Variants in PCDHGA8 observed in about 807,000 individuals in gnomAD.
The protein encoded by PCDHGA8 is protocadherin gamma subfamily A, 8.
Under a neutral mutation model 59.2 loss-of-function variants are expected in PCDHGA8, and 45 were observed. The observed-to-expected ratio is 0.76, with a 90% CI of 0.60 to 0.98. The LOEUF (loss-of-function observed/expected upper bound fraction) is 0.98. Ranked by LOEUF, PCDHGA8 falls within the 50% of genes least tolerant of loss-of-function variation. The probability of loss-of-function intolerance (pLI) is 0.00; values close to 1 mark genes in which losing one functional copy is unlikely to be tolerated. For synonymous variants in PCDHGA8, 531 were observed against 519.0 expected, an observed-to-expected ratio of 1.02 and a Z score of -0.32; for missense variants, 1,257 against 1,196.2, an observed-to-expected ratio of 1.05 and a Z score of -0.75.
intron 1 of PCDHGA8, among the ~76,000 whole-genome samples, chr5:141,443,696 T>C (rs1293017505): frequency 6.6e-6 from 1 of 152,308 alleles, no homozygotes; most frequent in Admixed American, 6.5e-5. Context: ...TCAAAAATTA[T>C]AGAATAACAT....
intron 1 of PCDHGA8, chr5:141,410,789 A>C: frequency 1.3e-6 from 1 of 794,444 alleles, no homozygotes; most frequent in Non-Finnish European, 1.8e-6. Context: ...TATTTGGTTC[A>C]TAAGTTGCTC....
intron 1 of PCDHGA8, chr5:141,433,331 C>G: frequency 1.4e-6 from 1 of 699,624 alleles, no homozygotes; most frequent in South Asian, 1.9e-5. Context: ...GTAACAGGGA[C>G]TACAGGTGCA....
intron 3 of PCDHGA8, among the ~76,000 whole-genome samples, chr5:141,506,833 C>A (rs1462038297): frequency 1.3e-5 from 2 of 152,092 alleles, no homozygotes; most frequent in African/African-American, 4.8e-5. Context: ...AACTGATAGC[C>A]CTGCCCTCCA....
chr5:141,415,270 G>A (rs1044469814), intron 1 of PCDHGA8: 1 of 1,614,118 alleles, frequency 6.2e-7, no homozygotes, highest in Non-Finnish European at 8.5e-7. Flanking sequence ...GTACCTGGTG[G>A]TAGCGGTGGC....
Position 141,485,331 on chromosome 5 carries a change from T to C in PCDHGA8, c.2425-9476T>C, listed in dbSNP as rs1203054851. On this transcript the variant is annotated intron_variant, in intron 1 of 3. Transcript: ENST00000398604. This position sits in a 1 kb window ranked among gnomAD's most constrained non-coding sequence, Gnocchi z 5.7. Reference sequence around the variant, plus strand: ...GTAGGGAATGTCGCTCAAGATTTCCTGCTGGATACGGACAGTCTGTCAGCT... The same window carrying C: ...GTAGGGAATGTCGCTCAAGATTTCCCGCTGGATACGGACAGTCTGTCAGCT... 6.2e-7 allele frequency: 1 copy of C among 1,614,048 alleles called. No individual in the cohort carries two copies. Among genetic ancestry groups the C allele is most frequent in the African/African-American group, 1.3e-5 (1 of 74,902 alleles).
intron 1 of PCDHGA8, among the ~76,000 whole-genome samples, chr5:141,434,221 G>T (rs760622311): frequency 6.6e-6 from 1 of 152,206 alleles, no homozygotes; most frequent in Admixed American, 6.5e-5. Flanking sequence ...TGTAAACAAA[G>T]TACGATTTCT....
intron 1 of PCDHGA8, among the ~76,000 whole-genome samples, chr5:141,474,990 A>G (rs1245269630): frequency 6.6e-6 from 1 of 152,222 alleles, no homozygotes; most frequent in African/African-American, 2.4e-5. Context: ...GGTGACAACA[A>G]TTCTAAATGC....
chr5:141,472,928 G>A (rs926768431), intron 1 of PCDHGA8, among the ~76,000 whole-genome samples: 13 of 150,136 alleles, frequency 8.7e-5, no homozygotes, highest in Admixed American at 2.7e-4. Flanking sequence ...GGAGGTTGTG[G>A]TGAGCCAAGA....
intron 1 of PCDHGA8, chr5:141,415,275 G>A (rs1242620005): frequency 5.6e-6 from 9 of 1,614,094 alleles, no homozygotes; most frequent in East Asian, 4.5e-5. Flanking sequence ...TGGTGGTAGC[G>A]GTGGCCGCGG....
chr5:141,425,835 T>C (rs536839515), intron 1 of PCDHGA8, among the ~76,000 whole-genome samples: 1 of 152,256 alleles, frequency 6.6e-6, no homozygotes, highest in Admixed American at 6.5e-5. Flanking sequence ...TTTTAAATTC[T>C]CTTTGCTGGG....
chr5:141,505,628 A>C, intron 3 of PCDHGA8, 147 bp downstream of exon 3: 1 of 1,481,752 alleles, frequency 6.7e-7, no homozygotes, highest in Non-Finnish European at 9.0e-7. Flanking sequence ...ACAATTCCAA[A>C]CATAAAGCCT....
In PCDHGA8 at chr5:141,419,577, C is replaced by A. The variant is rs1182305164; in HGVS notation, c.2424+24340C>A. ...CCTGCGCTGGGTCCCGACGGCTCCG[C>A]GCTCTTCGACACAGTGCCGCGGGCC... On this transcript the variant is annotated intron_variant, in intron 1 of 3. Coordinates refer to ENST00000398604, the MANE Select transcript of PCDHGA8 (RefSeq NM_032088.2). 3.1e-6 allele frequency: 5 copies of A among 1,611,732 alleles called. No individual in the cohort carries two copies. The South Asian group carries it at 5.5e-5, about 18-fold the overall frequency.
chr5:141,485,344 C>G lies in PCDHGA8; in HGVS notation c.2425-9463C>G. On this transcript the variant is annotated intron_variant, in intron 1 of 3. Coordinates refer to ENST00000398604, the MANE Select transcript of PCDHGA8 (RefSeq NM_032088.2). This position sits in a 1 kb window ranked among gnomAD's most constrained non-coding sequence, Gnocchi z 5.7. ...CTCAAGATTTCCTGCTGGATACGGA[C>G]AGTCTGTCAGCTCGCAGGCTGCAGG... 6.2e-7 allele frequency: 1 copy of G among 1,614,116 alleles called. No individual in the cohort carries two copies. The highest frequency in any genetic ancestry group is 8.5e-7 in the Non-Finnish European group (1 of 1,180,004).
rs2099725414 is a variant in PCDHGA8, at chr5:141,491,703, GA to G, written c.2425-3103del. On this transcript the variant is annotated intron_variant, in intron 1 of 3. Coordinates refer to ENST00000398604, the MANE Select transcript of PCDHGA8 (RefSeq NM_032088.2). The surrounding 1 kb of genome is among the most constrained non-coding windows in gnomAD (Gnocchi z 6.9). ...ATACGCTGCGGGAGCGGAGCCAGGT[GA>G]GGGGCTCGGCGCCGCCCCGGGCGAC... is the stretch of plus-strand genomic sequence containing the variant. The G allele has an allele frequency of 3.7e-6, 6 of 1,611,396 alleles. No homozygotes were observed.
intron 1 of PCDHGA8, chr5:141,468,346 AAAAG>A (rs2099164910): frequency 6.8e-6 from 1 of 147,210 alleles, no homozygotes; most frequent in South Asian, 2.2e-4. Flanking sequence ...AAAAAAAAAA[AAAAG>A]AAAGAAAAAA....
intron 1 of PCDHGA8, among the ~76,000 whole-genome samples, chr5:141,434,245 T>G (rs921135977): frequency 3.3e-5 from 5 of 152,224 alleles, no homozygotes; most frequent in African/African-American, 1.2e-4. Context: ...CTAGATGACT[T>G]GGGCATTGTG....
chr5:141,498,093 G>T (rs975304630), intron 2 of PCDHGA8, among the ~76,000 whole-genome samples: 4 of 152,220 alleles, frequency 2.6e-5, no homozygotes, highest in Admixed American at 1.3e-4. Context: ...AATTGTATCT[G>T]GTGGTGTGGG....
Position 141,477,966 on chromosome 5 carries a change from G to A in PCDHGA8, c.2425-16841G>A, listed in dbSNP as rs2099426792. 6.2e-7 allele frequency: 1 copy of A among 1,614,118 alleles called. No individual in the cohort carries two copies. The highest frequency in any genetic ancestry group is 8.5e-7 in the Non-Finnish European group (1 of 1,180,036). ...AGTCTCTTGGGATCCCCTAACCAGAGCCTTTTTGCCATAGGGCTGCACACT... is the reference window on the plus strand; with the variant it reads ...AGTCTCTTGGGATCCCCTAACCAGAACCTTTTTGCCATAGGGCTGCACACT... On this transcript the variant is annotated intron_variant, in intron 1 of 3. Transcript: ENST00000398604. This position sits in a 1 kb window ranked among gnomAD's most constrained non-coding sequence, Gnocchi z 4.9.
intron 1 of PCDHGA8, chr5:141,407,995 C>A: frequency 1.2e-6 from 1 of 869,524 alleles, no homozygotes. Flanking sequence ...AGCCTCTGGC[C>A]TGGGATTCCC....
Sources: allele counts gnomAD v4.1 joint callset (sites outside exome capture counted in the v4.1 genomes callset), GRCh38; gene constraint gnomAD v4.1.1; non-coding constraint Gnocchi (gnomAD v3.1); transcripts MANE v1.5; gene names NCBI Gene and HGNC (gene_info 2026-07-23, HGNC 2026-07-21).